AGBL4: variants seen among roughly 807,000 people sequenced by gnomAD.
AGBL4 encodes the protein cytosolic carboxypeptidase 6.
AGBL4 carries 58 observed loss-of-function variants against 66.4 expected under a neutral mutation model. The observed-to-expected ratio is 0.87, with a 90% CI of 0.71 to 1.09. AGBL4 has a LOEUF of 1.09. Among genes scored for constraint, AGBL4 ranks in the 50% least tolerant of loss-of-function variants. The pLI is 0.00. For synonymous variants in AGBL4, 234 were observed against 222.9 expected (o/e 1.05, Z -0.44); for missense variants, 579 against 631.0 (o/e 0.92, Z 0.88).
intron 3 of AGBL4, among the ~76,000 whole-genome samples, chr1:49,684,968 A>G (rs1646761161): frequency 1.3e-5 from 2 of 152,156 alleles, no homozygotes; most frequent in African/African-American, 2.4e-5. Flanking sequence ...GGTAAATTGC[A>G]TGTGGCTGGG....
At chr1:48,938,419 TA>T (rs1352363188) in intron 5 of AGBL4, among the ~76,000 whole-genome samples, 1 of 152,178 alleles carries the variant, frequency 6.6e-6, no homozygotes, top group Admixed American at 6.5e-5. Context: ...ATAAGTACTA[TA>T]AAGGGGGGAA....
At chr1:48,602,523 C>T (rs573147125) in intron 9 of AGBL4, among the ~76,000 whole-genome samples, 1 of 152,296 alleles carries the variant, frequency 6.6e-6, no homozygotes, top group Admixed American at 6.5e-5. Context: ...TGGCATGGCC[C>T]TGTGGGGAGA....
intron 4 of AGBL4, among the ~76,000 whole-genome samples, chr1:49,098,411 G>A (rs1422052705): frequency 1.3e-5 from 2 of 152,216 alleles, no homozygotes; most frequent in East Asian, 3.9e-4. Context: ...CCCAGAGCCT[G>A]ATCTGGTTTA....
intron 3 of AGBL4, among the ~76,000 whole-genome samples, chr1:49,641,322 T>C (rs940072867): frequency 1.3e-5 from 2 of 152,124 alleles, no homozygotes; most frequent in Non-Finnish European, 2.9e-5. Context: ...ACCACTGTAA[T>C]AGCCTTGGAT....
intron 3 of AGBL4, among the ~76,000 whole-genome samples, chr1:49,365,787 G>T (rs1373870736): frequency 6.6e-6 from 1 of 151,988 alleles, no homozygotes; most frequent in African/African-American, 2.4e-5. Flanking sequence ...CACAGAGAGG[G>T]TGCAAGAAAG....
chr1:49,641,157 T>C (rs1645774196), intron 3 of AGBL4, among the ~76,000 whole-genome samples: 1 of 152,154 alleles, frequency 6.6e-6, no homozygotes, highest in Non-Finnish European at 1.5e-5. Flanking sequence ...ACTTCCTTCT[T>C]TCTCTTAGTA....
At chr1:49,975,230 T>G (rs1658459118) in intron 1 of AGBL4, among the ~76,000 whole-genome samples, 1 of 152,188 alleles carries the variant, frequency 6.6e-6, no homozygotes, top group Admixed American at 6.6e-5. Flanking sequence ...GTTATAAACT[T>G]AATTGCAACT....
At chr1:49,016,646 G>C (rs978991245) in intron 5 of AGBL4, among the ~76,000 whole-genome samples, 1 of 152,144 alleles carries the variant, frequency 6.6e-6, no homozygotes, top group South Asian at 2.1e-4. Context: ...GACCTCAAAG[G>C]CTGTCTGCCT....
intron 5 of AGBL4, among the ~76,000 whole-genome samples, chr1:48,884,529 C>G (rs142138000): frequency 1.2e-4 from 19 of 152,200 alleles, no homozygotes; most frequent in African/African-American, 4.6e-4. Flanking sequence ...CTTTTCTTCC[C>G]TGAGCCAGCT....
At chr1:49,566,165 G>T (rs550554975) in intron 3 of AGBL4, among the ~76,000 whole-genome samples, 1 of 152,022 alleles carries the variant, frequency 6.6e-6, no homozygotes, top group Non-Finnish European at 1.5e-5. Flanking sequence ...GTCCTTTAAG[G>T]ACTTCTCTGC....
intron 1 of AGBL4, among the ~76,000 whole-genome samples, chr1:49,853,010 A>C (rs1227600800): frequency 2.6e-5 from 4 of 152,222 alleles, no homozygotes; most frequent in Non-Finnish European, 5.9e-5. Context: ...ATATCCATTT[A>C]TAGTAACAAA....
intron 2 of AGBL4, chr1:49,846,481 A>G: frequency 9.8e-7 from 1 of 1,023,374 alleles, no homozygotes; most frequent in Non-Finnish European, 1.4e-6. Flanking sequence ...AATCATACAC[A>G]TGAGAAACAT....
intron 3 of AGBL4, among the ~76,000 whole-genome samples, chr1:49,450,058 GA>G (rs1288616444): frequency 6.6e-6 from 1 of 151,972 alleles, no homozygotes; most frequent in African/African-American, 2.4e-5. Context: ...ATATTTCTTG[GA>G]AAAATCATCT....
chr1:49,325,991 T>C (rs1488887763), intron 3 of AGBL4, among the ~76,000 whole-genome samples: 1 of 152,190 alleles, frequency 6.6e-6, no homozygotes, highest in East Asian at 1.9e-4. Flanking sequence ...ATGCTTCCTG[T>C]ACAACATGCA....
At chr1:49,863,058 G>C (rs1049773536) in intron 1 of AGBL4, among the ~76,000 whole-genome samples, 7 of 152,078 alleles carry the variant, frequency 4.6e-5, no homozygotes, top group Admixed American at 3.9e-4. Flanking sequence ...CAAAACTACA[G>C]TAAGCAAAAC....
intron 3 of AGBL4, among the ~76,000 whole-genome samples, chr1:49,511,245 C>A (rs1032151795): frequency 6.6e-5 from 10 of 151,440 alleles, no homozygotes; most frequent in Admixed American, 6.6e-4. Flanking sequence ...GAAAATGTGG[C>A]ACATATACAC....
Position 48,534,153 on chromosome 1 carries a change from C to A in AGBL4, c.*20G>T. The stretch of plus-strand genomic sequence containing the variant: ...AATGCATGCTCCTGTCCCCATAAGA[C>A]CTCCCAGGACTCCGTGTCTTTAAAA... On this transcript the variant is annotated 3_prime_UTR_variant, in exon 14 of 14. Transcript: ENST00000371839. 6.4e-7 allele frequency: 1 copy of A among 1,551,444 alleles called. No homozygotes were observed. The highest frequency in any genetic ancestry group is 1.2e-5 in the South Asian group (1 of 84,066).
intron 3 of AGBL4, among the ~76,000 whole-genome samples, chr1:49,385,033 G>A (rs190255176): frequency 2.0e-5 from 3 of 152,258 alleles, no homozygotes; most frequent in East Asian, 3.9e-4. Context: ...AGGACATTCC[G>A]TTAAGTGAAA....
At chr1:49,584,689 A>G (rs1250944620) in intron 3 of AGBL4, among the ~76,000 whole-genome samples, 1 of 152,226 alleles carries the variant, frequency 6.6e-6, no homozygotes, top group Non-Finnish European at 1.5e-5. Context: ...ATATGAAATC[A>G]GGTTCAAGAC....
Sources: allele counts gnomAD v4.1 joint callset (sites outside exome capture counted in the v4.1 genomes callset), GRCh38; gene constraint gnomAD v4.1.1; transcripts MANE v1.5; gene names NCBI Gene and HGNC (gene_info 2026-07-23, HGNC 2026-07-21).